The following PNPT1 variants were observed in gnomAD, a reference collection of about 807,000 sequenced individuals.
PNPT1 encodes the protein polyribonucleotide nucleotidyltransferase 1, mitochondrial.
A neutral mutation model predicts 119.5 loss-of-function variants in PNPT1; 53 were observed. The observed-to-expected ratio is 0.44, with a 90% CI of 0.36 to 0.56. PNPT1 has a LOEUF of 0.56. Among genes scored for constraint, PNPT1 ranks in the 20% least tolerant of loss-of-function variants. PNPT1 has a pLI of 0.00. For synonymous variants in PNPT1, 357 were observed against 322.1 expected (o/e 1.11, Z -1.16); for missense variants, 948 against 938.5 (o/e 1.01, Z -0.13).
intron 9 of PNPT1, 101 bp from the exon 10 acceptor site, chr2:55,672,147 A>G (rs1696936422): frequency 1.2e-6 from 1 of 836,918 alleles, no homozygotes; most frequent in African/African-American, 1.8e-5. Context: ...ATCAGCTAAA[A>G]CTTTAATAAA....
Position 55,641,605 on chromosome 2 carries a change from A to G in PNPT1, c.2070-900T>C, listed in dbSNP as rs1057142469. On this transcript the variant is annotated intron_variant, in intron 25 of 27. Coordinates refer to ENST00000447944, the MANE Select transcript of PNPT1 (RefSeq NM_033109.5). ...GGTGGTCAGGTAAAATGGAATACTT[A>G]TTTCATTAAAAAACTAATCTTCCCT... Among the ~76,000 whole-genome samples, 10 of 152,184 alleles carry G rather than the reference A, an allele frequency of 6.6e-5. No individual in the cohort carries two copies. The East Asian group carries it at 1.7e-3, about 26-fold the overall frequency.
intron 4 of PNPT1, 130 bp downstream of exon 4, chr2:55,684,813 G>C: frequency 8.4e-7 from 1 of 1,186,908 alleles, no homozygotes; most frequent in Non-Finnish European, 1.1e-6. Context: ...AAGAGAAGGA[G>C]TGAATAATCT....
intron 23 of PNPT1, among the ~76,000 whole-genome samples, 173 bp from the exon 24 acceptor site, chr2:55,643,598 A>G (rs553134380): frequency 5.9e-5 from 9 of 152,044 alleles, no homozygotes; most frequent in African/African-American, 2.2e-4. Context: ...TAAATTCAAA[A>G]ATTAGCTGGA....
chr2:55,674,349 T>C lies in PNPT1; in HGVS notation c.680-1270A>G, dbSNP rs1319756443. On this transcript the variant is annotated intron_variant, in intron 8 of 27. Coordinates refer to ENST00000447944, the MANE Select transcript of PNPT1 (RefSeq NM_033109.5). ...TGGCTCACACCTGTAATCCCAGCACTTTGGGAGGCTAAAGTGGGCAGATCA... is the reference window on the plus strand; with the variant it reads ...TGGCTCACACCTGTAATCCCAGCACCTTGGGAGGCTAAAGTGGGCAGATCA... Among the ~76,000 whole-genome samples the C allele has an allele frequency of 2.6e-5, 4 of 152,126 alleles. No homozygotes were observed. In the East Asian group the frequency reaches 7.7e-4, roughly 29 times the overall value.
chr2:55,658,027 C>T (rs1696445817), intron 15 of PNPT1, among the ~76,000 whole-genome samples: 1 of 151,730 alleles, frequency 6.6e-6, no homozygotes, highest in Non-Finnish European at 1.5e-5. Context: ...TGCTTGAGCC[C>T]AGGAGTTTGA....
intron 10 of PNPT1, 137 bp downstream of exon 10, chr2:55,671,858 C>A: frequency 1.5e-6 from 1 of 663,520 alleles, no homozygotes. Flanking sequence ...AATGGAGAAA[C>A]AATTAGGCTT....
chr2:55,642,381 C>T (rs1398165140), intron 25 of PNPT1, among the ~76,000 whole-genome samples: 19 of 150,508 alleles, frequency 1.3e-4, no homozygotes, highest in East Asian at 8.0e-4. Context: ...CCGAGGGGGG[C>T]GGATCACAAG....
At chr2:55,639,951 T>A (rs1695787709) in intron 26 of PNPT1, among the ~76,000 whole-genome samples, 5 of 152,202 alleles carry the variant, frequency 3.3e-5, no homozygotes, top group African/African-American at 1.2e-4. Flanking sequence ...AGAGATCCTG[T>A]TTTAAGATAA....
intron 18 of PNPT1, among the ~76,000 whole-genome samples, chr2:55,651,306 G>A (rs1696190384): frequency 1.3e-5 from 2 of 152,126 alleles, no homozygotes; most frequent in African/African-American, 4.8e-5. Context: ...GGGCCATGAT[G>A]ACAATGGCGG....
intron 15 of PNPT1, 50 bp from the exon 16 acceptor site, chr2:55,656,421 T>C (rs1345596021): frequency 2.0e-6 from 3 of 1,488,080 alleles, no homozygotes; most frequent in Non-Finnish European, 2.7e-6. Flanking sequence ...CATAGAAAGA[T>C]GTCCAAGTTA....
chr2:55,661,124 GTC>G (rs1341116705), intron 14 of PNPT1, among the ~76,000 whole-genome samples: 2 of 123,912 alleles, frequency 1.6e-5, no homozygotes, highest in African/African-American at 3.2e-5. Flanking sequence ...TTGAGACAGA[GTC>G]TCGCTCTGTC....
intron 14 of PNPT1, among the ~76,000 whole-genome samples, chr2:55,661,018 G>A (rs545202648): frequency 7.3e-5 from 11 of 151,630 alleles, no homozygotes; most frequent in Admixed American, 2.6e-4. Flanking sequence ...ACTAGGCACT[G>A]AGGAAAATAA....
rs896847799 is a variant in PNPT1, at chr2:55,673,024, G to T, written c.735C>A (p.Ile245=). 3 of 1,612,148 alleles carry T rather than the reference G, an allele frequency of 1.9e-6. No homozygotes were observed. Among genetic ancestry groups the T allele is most frequent in the Admixed American group, 1.7e-5 (1 of 59,774 alleles). Residue 245 remains isoleucine (I), a synonymous_variant, in exon 9 of 28, where the codon ATC becomes ATA. Coordinates refer to ENST00000447944, the MANE Select transcript of PNPT1 (RefSeq NM_033109.5). The stretch of plus-strand genomic sequence containing the variant: ...GTTGGGTATATTTCACTCCCACTTT[G>T]ATAGCATGGCAAAAGTCCTGCTGTA... The part of the protein sequence containing the change: ...NILQQDFCHA[I]KVGVKYTQQI...
At chr2:55,686,653 CA>C (rs1697414324) in intron 2 of PNPT1, among the ~76,000 whole-genome samples, 2 of 152,176 alleles carry the variant, frequency 1.3e-5, no homozygotes, top group African/African-American at 2.4e-5. Context: ...GAAAGATTAA[CA>C]GGTAATTTAG....
chr2:55,661,866 A>C, intron 14 of PNPT1, 90 bp downstream of exon 14: 5 of 1,219,602 alleles, frequency 4.1e-6, no homozygotes, highest in Non-Finnish European at 4.4e-6. Flanking sequence ...GGTTAAAAAA[A>C]GTAACAATAA....
In PNPT1 at chr2:55,636,231, A is replaced by AG. The variant is rs934155351; in HGVS notation, c.*5_*6insC. 30 of 1,601,828 alleles carry AG rather than the reference A, an allele frequency of 1.9e-5. No homozygotes were observed. The highest frequency in any genetic ancestry group is 2.4e-5 in the Non-Finnish European group (28 of 1,173,306). On this transcript the variant is annotated 3_prime_UTR_variant, in exon 28 of 28. Coordinates refer to ENST00000447944, the MANE Select transcript of PNPT1 (RefSeq NM_033109.5). ...AGAATTCTAGAATTCTCTTTAAAAA[A>AG]AAAAATCACTGAGAATTAGATGATG...
intron 9 of PNPT1, among the ~76,000 whole-genome samples, chr2:55,672,382 A>T (rs1341152955): frequency 6.6e-6 from 1 of 152,042 alleles, no homozygotes; most frequent in Non-Finnish European, 1.5e-5. Flanking sequence ...ATCACATGAA[A>T]CTCTTTTGCT....
At chr2:55,670,062 T>A (rs1696861328) in intron 11 of PNPT1, among the ~76,000 whole-genome samples, 1 of 149,728 alleles carries the variant, frequency 6.7e-6, no homozygotes, top group African/African-American at 2.5e-5. Flanking sequence ...CCTGGCCAGT[T>A]TTTTATCTTA....
chr2:55,687,868 T>C (rs920271933), intron 1 of PNPT1, among the ~76,000 whole-genome samples, 163 bp from the exon 2 acceptor site: 2 of 151,944 alleles, frequency 1.3e-5, no homozygotes, highest in African/African-American at 4.8e-5. Context: ...AAAGTAAAAG[T>C]GGAATTTAAG....
Sources: gnomAD v4.1 joint callset for allele counts (sites outside exome capture counted in the v4.1 genomes callset) on GRCh38, gnomAD v4.1.1 for gene constraint, MANE v1.5 for transcripts, NCBI Gene and HGNC (gene_info 2026-07-23, HGNC 2026-07-21) for gene names.